The following ATG14 variants were observed in gnomAD, a reference collection of about 807,000 sequenced individuals.
ATG14 encodes the protein beclin 1-associated autophagy-related key regulator.
In ATG14, 35 loss-of-function variants were observed where a neutral mutation model predicts 60.4. The observed-to-expected ratio is 0.58, with a 90% confidence interval of 0.44 to 0.77. The LOEUF is 0.77. ATG14 is among the 30% of genes least tolerant of loss of function. ATG14 has a pLI of 0.00. For missense variants in ATG14, 647 were observed against 626.3 expected (o/e 1.03, Z -0.35); for synonymous variants, 234 against 228.8 (o/e 1.02, Z -0.21).
chr14:55,402,404 G>C (rs913688868), intron 1 of ATG14, among the ~76,000 whole-genome samples: 2 of 151,976 alleles, frequency 1.3e-5, no homozygotes, highest in Admixed American at 1.3e-4. Flanking sequence ...CTTTTGATTC[G>C]GTTATTGCAT....
intron 9 of ATG14, among the ~76,000 whole-genome samples, chr14:55,374,253 C>A (rs1447428900): frequency 1.3e-5 from 2 of 151,788 alleles, no homozygotes; most frequent in African/African-American, 4.8e-5. Flanking sequence ...ACTGTGTTGC[C>A]CAGACTGAAG....
chr14:55,380,338 C>G (rs1334675216), intron 7 of ATG14, among the ~76,000 whole-genome samples: 2 of 152,112 alleles, frequency 1.3e-5, no homozygotes, highest in Non-Finnish European at 2.9e-5. Context: ...TCTGAACATC[C>G]TGATACTCCC....
intron 3 of ATG14, among the ~76,000 whole-genome samples, chr14:55,393,916 TA>T (rs1460871593): frequency 1.3e-5 from 2 of 152,132 alleles, no homozygotes; most frequent in South Asian, 4.1e-4. Flanking sequence ...CCTAGTTTAT[TA>T]TTTTTTTCCA....
intron 6 of ATG14, among the ~76,000 whole-genome samples, chr14:55,381,543 A>G (rs530859878): frequency 6.6e-6 from 1 of 152,360 alleles, no homozygotes; most frequent in South Asian, 2.1e-4. Context: ...TGTCTTATCC[A>G]TATGATGGAA....
At chr14:55,409,594 T>C (rs1885540474) in intron 1 of ATG14, among the ~76,000 whole-genome samples, 1 of 150,834 alleles carries the variant, frequency 6.6e-6, no homozygotes, top group Non-Finnish European at 1.5e-5. Flanking sequence ...GCCCTGAAGA[T>C]TTCTGAGAGA....
At chr14:55,403,156 C>T (rs1251086730) in intron 1 of ATG14, among the ~76,000 whole-genome samples, 1 of 151,052 alleles carries the variant, frequency 6.6e-6, no homozygotes, top group Non-Finnish European at 1.5e-5. Flanking sequence ...TGTTTAGTTT[C>T]CTCATTTGTA....
intron 1 of ATG14, among the ~76,000 whole-genome samples, chr14:55,407,560 C>A (rs769818820): frequency 3.6e-4 from 55 of 152,352 alleles, no homozygotes; most frequent in African/African-American, 3.1e-4. Flanking sequence ...CCACTGCGCC[C>A]AACCCCTATG....
At chr14:55,408,653 C>T (rs1390267325) in intron 1 of ATG14, among the ~76,000 whole-genome samples, 2 of 152,134 alleles carry the variant, frequency 1.3e-5, no homozygotes, top group Non-Finnish European at 2.9e-5. Flanking sequence ...TGCCTGTAGT[C>T]CCACCTACTC....
intron 2 of ATG14, 130 bp downstream of exon 2, chr14:55,397,242 T>C: frequency 2.4e-6 from 2 of 831,996 alleles, no homozygotes; most frequent in Non-Finnish European, 4.0e-6. Flanking sequence ...ACTCCTTTCC[T>C]ACACTTTAAG....
rs562439915 is a variant in ATG14 at position 55,367,769 on chromosome 14, C to G, written c.*1850G>C. On this transcript the variant is annotated 3_prime_UTR_variant, in exon 10 of 10. Coordinates refer to ENST00000247178, the MANE Select transcript of ATG14 (RefSeq NM_014924.5). ...CAAAAAAAAAAAAGACCACCCACAA[C>G]GAGAAAAGCCTACTTCCTCCTTTCA... 1 of 151,662 alleles carries G rather than the reference C, an allele frequency of 6.6e-6. No individual in the cohort carries two copies. Among genetic ancestry groups the G allele is most frequent in the East Asian group, 1.9e-4 (1 of 5,186 alleles). 9.4% of individuals were successfully genotyped at this position (151,662 alleles called of 1,614,324 possible). A position where few individuals can be genotyped will look rare whatever the true frequency, so the allele number is the denominator to read the frequency against.
intron 5 of ATG14, among the ~76,000 whole-genome samples, chr14:55,384,799 C>A (rs1420141448): frequency 6.6e-6 from 1 of 152,220 alleles, no homozygotes. Context: ...TCAATTAGAG[C>A]AGCCTGGTGG....
intron 7 of ATG14, among the ~76,000 whole-genome samples, chr14:55,378,425 C>G (rs1200128927): frequency 6.6e-6 from 1 of 152,230 alleles, no homozygotes; most frequent in East Asian, 1.9e-4. Context: ...GCAAACTATA[C>G]AACTGTCATC....
chr14:55,379,676 G>T (rs1248685431), intron 7 of ATG14, among the ~76,000 whole-genome samples: 1 of 152,174 alleles, frequency 6.6e-6, no homozygotes, highest in East Asian at 1.9e-4. Context: ...AGGGTAGTAG[G>T]AAGATTGTAG....
At position 55,367,327 on chromosome 14, in the gene ATG14, A is replaced by G. The variant is rs1884702096; in HGVS notation, c.*2292T>C. 2 of 152,196 alleles carry G rather than the reference A, an allele frequency of 1.3e-5. No homozygotes were observed. Among genetic ancestry groups the G allele is most frequent in the Non-Finnish European group, 2.9e-5 (2 of 68,038 alleles). The allele number at this position is 152,196 out of a possible 1,614,324, so 9.4% of individuals were successfully genotyped here. Reference sequence around the variant, plus strand: ...CAACTCTTACAAGATCGTTAAGTTTATTTATCTGTTCAAGTCTACCATCTT... The same window carrying G: ...CAACTCTTACAAGATCGTTAAGTTTGTTTATCTGTTCAAGTCTACCATCTT... On this transcript the variant is annotated 3_prime_UTR_variant, in exon 10 of 10. Transcript: ENST00000247178.
chr14:55,393,848 C>T (rs973509891), intron 3 of ATG14, among the ~76,000 whole-genome samples: 5 of 151,866 alleles, frequency 3.3e-5, no homozygotes, highest in East Asian at 1.9e-4. Context: ...CCACACCCAG[C>T]GCAGATTTTA....
chr14:55,390,472 C>T (rs1885195919), intron 4 of ATG14, among the ~76,000 whole-genome samples: 2 of 152,060 alleles, frequency 1.3e-5, no homozygotes, highest in African/African-American at 4.8e-5. Context: ...CTCCTGGGTT[C>T]ACACCATTCT....
chr14:55,385,868 G>C lies in ATG14; in HGVS notation c.638C>G (p.Thr213Arg). The C allele has an allele frequency of 6.2e-7, 1 of 1,610,920 alleles. No individual in the cohort carries two copies. The change falls in exon 5 of 10, where the codon ACG becomes AGG. Residue 213 changes from threonine to arginine, a missense_variant. Coordinates refer to ENST00000247178, the MANE Select transcript of ATG14 (RefSeq NM_014924.5). ...GACTTGCTTAATGTACCTCACACCCGTCTTTACTTCCTCGATTGGAAAAAT... is the reference window on the plus strand; with the variant it reads ...GACTTGCTTAATGTACCTCACACCCCTCTTTACTTCCTCGATTGGAAAAAT... ...SVIFPIEEVK[T>R]GVRDPADVSS... is the part of the protein sequence containing the mutation.
Position 55,369,604 on chromosome 14 carries a change from T to G in ATG14, c.*15A>C. On this transcript the variant is annotated 3_prime_UTR_variant, in exon 10 of 10. Transcript: ENST00000247178. ...CTTTCTTGATGCAGATTTGGTATGTTTTGGTCCATGCTCGTTAACGGTGTC... is the reference window on the plus strand; with the variant it reads ...CTTTCTTGATGCAGATTTGGTATGTGTTGGTCCATGCTCGTTAACGGTGTC... 1 of 1,495,560 alleles carries G rather than the reference T, an allele frequency of 6.7e-7. No homozygotes were observed. Among genetic ancestry groups the G allele is most frequent in the South Asian group, 1.4e-5 (1 of 70,324 alleles). The allele number at this position is 1,495,560 out of a possible 1,614,324, so 92.6% of individuals were successfully genotyped here. A position where few individuals can be genotyped will look rare whatever the true frequency, so the allele number is the denominator to read the frequency against.
At chr14:55,371,672 C>G (rs1166227310) in intron 9 of ATG14, among the ~76,000 whole-genome samples, 1 of 152,088 alleles carries the variant, frequency 6.6e-6, no homozygotes, top group African/African-American at 2.4e-5. Context: ...GGTGTGATGG[C>G]GGGCACCTGT....
Sources: allele counts gnomAD v4.1 joint callset (sites outside exome capture counted in the v4.1 genomes callset), GRCh38; gene constraint gnomAD v4.1.1; transcripts MANE v1.5; gene names NCBI Gene and HGNC (gene_info 2026-07-23, HGNC 2026-07-21).